OR6A2: variants seen among roughly 807,000 people sequenced by gnomAD.
OR6A2 encodes the protein olfactory receptor family 6 subfamily A member 2.
In OR6A2, 6 loss-of-function variants were observed where a neutral mutation model predicts 7.1. That is an observed-to-expected ratio of 0.85 (90% CI 0.46 to 1.68). The LOEUF (loss-of-function observed/expected upper bound fraction) is 1.68, where lower values mean the gene tolerates loss of function less well. Ranked by LOEUF, OR6A2 falls within the 40% of genes most tolerant of loss-of-function variation. The pLI, the probability that OR6A2 is intolerant of heterozygous loss-of-function variation, is 0.01. For synonymous variants in OR6A2, 162 were observed against 152.1 expected (o/e 1.06, Z -0.48); for missense variants, 431 against 398.0 (o/e 1.08, Z -0.71).
In OR6A2 at chr11:6,795,140, A is replaced by G; in HGVS notation, c.569T>C (p.Leu190Pro). The G allele has an allele frequency of 6.2e-7, 1 of 1,614,150 alleles. No homozygotes were observed. The highest frequency in any genetic ancestry group is 8.5e-7 in the Non-Finnish European group (1 of 1,180,018). The change falls in exon 2 of 2, where the codon CTC (leucine) becomes CCC (proline). Residue 190 changes from leucine (L) to proline (P), a missense_variant. Transcript: ENST00000641196. ...GGACATATCAGTGCATGAGAGGTTG[A>G]GCAATGGAGAGACATCACAGAAAAA... ...NHFFCDVSPL[L>P]NLSCTDMSTA...
chr11:6,794,052 C>T lies in OR6A2; in HGVS notation c.*673G>A, dbSNP rs1847717478. 1 of 152,254 alleles carries T rather than the reference C, an allele frequency of 6.6e-6. No homozygotes were observed. The highest frequency in any genetic ancestry group is 2.4e-5 in the African/African-American group (1 of 41,438). 9.4% of individuals were successfully genotyped at this position (152,254 alleles called of 1,614,324 possible). On this transcript the variant is annotated 3_prime_UTR_variant, in exon 2 of 2. Transcript: ENST00000641196. ...CCACATATAGGCATGACACACATGCCTTGCCTACATGGTTCCAAACTATAT... is the reference window on the plus strand; with the variant it reads ...CCACATATAGGCATGACACACATGCTTTGCCTACATGGTTCCAAACTATAT...
In OR6A2 at chr11:6,793,028, T is replaced by C. The variant is rs1371443769; in HGVS notation, c.*1697A>G. The C allele has an allele frequency of 6.6e-6, 1 of 152,196 alleles. No homozygotes were observed. The highest frequency in any genetic ancestry group is 2.4e-5 in the African/African-American group (1 of 41,442). The allele number at this position is 152,196 out of a possible 1,614,324, so 9.4% of individuals were successfully genotyped here. On this transcript the variant is annotated 3_prime_UTR_variant, in exon 2 of 2. Coordinates refer to ENST00000641196, the MANE Select transcript of OR6A2 (RefSeq NM_003696.3). ...TTCAACATTATGCTTTTACTTCCTA[T>C]TAACTCGAGTTAACTTATAAAAGAG...
rs1362798393 is a variant in OR6A2, at chr11:6,794,458, C to A, written c.*267G>T. On this transcript the variant is annotated 3_prime_UTR_variant, in exon 2 of 2. Transcript: ENST00000641196. ...GAAGCCTGTGCTTCCTTGATTGGAA[C>A]CTTGTCTATGCAAATTACAAAGGGA... The A allele has an allele frequency of 3.3e-5, 14 of 418,330 alleles. No individual in the cohort carries two copies. In the South Asian group the frequency reaches 4.6e-4, roughly 14 times the overall value. The allele number at this position is 418,330 out of a possible 1,614,324, so 25.9% of individuals were successfully genotyped here.
rs1847694870 is a variant in OR6A2, at chr11:6,791,985, T to C, written c.*2740A>G. 6.6e-6 allele frequency: 1 copy of C among 152,226 alleles called. No homozygotes were observed. The highest frequency in any genetic ancestry group is 2.1e-4 in the South Asian group (1 of 4,830). The allele number at this position is 152,226 out of a possible 1,614,324, so 9.4% of individuals were successfully genotyped here. On this transcript the variant is annotated 3_prime_UTR_variant, in exon 2 of 2. Coordinates refer to ENST00000641196, the MANE Select transcript of OR6A2 (RefSeq NM_003696.3). ...CAGATTTTATTATCTTTTCTGTTAG[T>C]ATTACTTTATGTTCCAGGGTCCAAT... is the stretch of plus-strand genomic sequence containing the variant.
chr11:6,797,901 C>G (rs1311831502), intron 1 of OR6A2, among the ~76,000 whole-genome samples: 2 of 152,178 alleles, frequency 1.3e-5, no homozygotes, highest in East Asian at 3.8e-4. Flanking sequence ...ATGGCTACAT[C>G]CTATTTAGCC....
At position 6,794,487 on chromosome 11, in the gene OR6A2, A is replaced by T. The variant is rs1160941727; in HGVS notation, c.*238T>A. 8 of 501,562 alleles carry T rather than the reference A, an allele frequency of 1.6e-5. No individual in the cohort carries two copies. In the Admixed American group the frequency reaches 1.7e-4, roughly 11 times the overall value. The allele number at this position is 501,562 out of a possible 1,614,324, so 31.1% of individuals were successfully genotyped here. Reference sequence around the variant, plus strand: ...GTCTATGCAAATTACAAAGGGACAGACAATAGTGGACCCAGCTCTATCCTG... The same window carrying T: ...GTCTATGCAAATTACAAAGGGACAGTCAATAGTGGACCCAGCTCTATCCTG... On this transcript the variant is annotated 3_prime_UTR_variant, in exon 2 of 2. Coordinates refer to ENST00000641196, the MANE Select transcript of OR6A2 (RefSeq NM_003696.3).
Position 6,794,733 on chromosome 11 carries a change from T to C in OR6A2, c.976A>G (p.Asn326Asp). The C allele has an allele frequency of 1.2e-6, 2 of 1,613,662 alleles. No homozygotes were observed. Among genetic ancestry groups the C allele is most frequent in the Non-Finnish European group, 1.7e-6 (2 of 1,179,734 alleles). The part of the protein sequence containing the change: ...QDPDPKKASR[N>D]V ...GATTTCACACATCCCTTCTATACAT[T>C]TCTGCTAGCTTTCTTGGGGTCAGGA... is the stretch of plus-strand genomic sequence containing the variant. Residue 326 changes from asparagine to aspartate, a missense_variant, in exon 2 of 2, where the codon AAT (asparagine) becomes GAT (aspartate). Asn to Asp is a conservative substitution (Grantham distance 23). Coordinates refer to ENST00000641196, the MANE Select transcript of OR6A2 (RefSeq NM_003696.3).
intron 1 of OR6A2, among the ~76,000 whole-genome samples, chr11:6,797,423 T>C (rs16918068): frequency 0.07 from 10,612 of 152,238 alleles, 1,288 homozygotes; most frequent in African/African-American, 0.24. Flanking sequence ...ACATCAAACC[T>C]ACAATTGCTG....
chr11:6,797,563 C>T (rs186106027), intron 1 of OR6A2, among the ~76,000 whole-genome samples: 6 of 152,294 alleles, frequency 3.9e-5, no homozygotes, highest in South Asian at 2.1e-4. Context: ...GTCTGATGCT[C>T]TGCATACTTG....
At chr11:6,798,170 C>A (rs1847766311) in intron 1 of OR6A2, among the ~76,000 whole-genome samples, 1 of 152,144 alleles carries the variant, frequency 6.6e-6, no homozygotes, top group African/African-American at 2.4e-5. Context: ...ATGGATGTCA[C>A]AGGAGTTCCA....
chr11:6,796,485 G>C (rs911962844), intron 1 of OR6A2, among the ~76,000 whole-genome samples: 2 of 152,096 alleles, frequency 1.3e-5, no homozygotes, highest in Non-Finnish European at 2.9e-5. Context: ...AGGAAAGAAA[G>C]ACAAAAGCAG....
chr11:6,798,919 G>A (rs1847775492), intron 1 of OR6A2, among the ~76,000 whole-genome samples: 1 of 152,172 alleles, frequency 6.6e-6, no homozygotes, highest in Non-Finnish European at 1.5e-5. Context: ...TTTATAATGT[G>A]GTTGCATGAA....
chr11:6,799,367 G>T (rs941497744), intron 1 of OR6A2, among the ~76,000 whole-genome samples, 177 bp downstream of exon 1: 2 of 152,136 alleles, frequency 1.3e-5, no homozygotes, highest in African/African-American at 4.8e-5. Flanking sequence ...AAAAGATAAA[G>T]AAAGTGATAT....
In OR6A2 at chr11:6,795,529, C is replaced by A. The variant is rs902945519; in HGVS notation, c.180G>T (p.Met60Ile). 6.2e-7 allele frequency: 1 copy of A among 1,613,968 alleles called. No individual in the cohort carries two copies. The change falls in exon 2 of 2, where the codon ATG becomes ATT. Residue 60 changes from methionine to isoleucine, a missense_variant. Met to Ile is a conservative substitution (Grantham distance 10). Transcript: ENST00000641196. ...AGGACATATTAGCTAGAAAAAAGTACATGGGTTTGTGGAGGGTAGAATGGT... is the reference window on the plus strand; with the variant it reads ...AGGACATATTAGCTAGAAAAAAGTAAATGGGTTTGTGGAGGGTAGAATGGT... ...IRNHSTLHKP[M>I]YFFLANMSFL... is the part of the protein sequence containing the mutation.
rs377615405 is a variant in OR6A2, at chr11:6,792,810, T to G, written c.*1915A>C. On this transcript the variant is annotated 3_prime_UTR_variant, in exon 2 of 2. Transcript: ENST00000641196. ...TTCAATATGAGTCCTGAGGGTCATA[T>G]GTTCACTAAAAATTCAGTCCCCGTC... The G allele has an allele frequency of 2.0e-5, 3 of 152,160 alleles. No homozygotes were observed. The highest frequency in any genetic ancestry group is 4.1e-4 in the South Asian group (2 of 4,834). 9.4% of individuals were successfully genotyped at this position (152,160 alleles called of 1,614,324 possible).
rs755457260 is a variant in OR6A2, at chr11:6,794,939, T to A, written c.770A>T (p.Tyr257Phe). The A allele has an allele frequency of 5.0e-6, 8 of 1,614,088 alleles. 1 individual carries two copies. Among genetic ancestry groups the A allele is most frequent in the Non-Finnish European group, 6.8e-6 (8 of 1,179,990 alleles). The change falls in exon 2 of 2, where the codon TAT becomes TTT. Residue 257 changes from tyrosine (Y) to phenylalanine (F), a missense_variant. Physicochemically the swap from Tyr to Phe is conservative, Grantham distance 22. Coordinates refer to ENST00000641196, the MANE Select transcript of OR6A2 (RefSeq NM_003696.3). ...ASHLTVVIIF[Y>F]AASIFIYARP... ...AGCATAGATGAAGATACTGGCTGCA[T>A]AGAAGATTATCACAACAGTGAGATG...
chr11:6,795,814 A>G lies in OR6A2; in HGVS notation c.-106T>C, dbSNP rs1847744004. 1.0e-6 allele frequency: 1 copy of G among 979,460 alleles called. No homozygotes were observed. Among genetic ancestry groups the G allele is most frequent in the South Asian group, 1.6e-5 (1 of 62,722 alleles). 60.7% of individuals were successfully genotyped at this position (979,460 alleles called of 1,614,324 possible). ...CTTAATGGGCTTATATTGGTCGAAT[A>G]CCACGTAAGGAGTTCATGTAATTAA... On this transcript the variant is annotated 5_prime_UTR_variant, in exon 2 of 2. Coordinates refer to ENST00000641196, the MANE Select transcript of OR6A2 (RefSeq NM_003696.3).
intron 1 of OR6A2, among the ~76,000 whole-genome samples, chr11:6,798,577 G>A (rs938521566): frequency 3.9e-5 from 6 of 152,166 alleles, no homozygotes; most frequent in African/African-American, 7.2e-5. Context: ...CTGACAACAA[G>A]AGCATCCAGT....
rs1290918312 is a variant in OR6A2, at chr11:6,793,685, A to G, written c.*1040T>C. On this transcript the variant is annotated 3_prime_UTR_variant, in exon 2 of 2. Transcript: ENST00000641196. ...ATTTTTGATACTGTTATATAACATAATATTTTTATTAAGTTAGAAATATTT... is the reference window on the plus strand; with the variant it reads ...ATTTTTGATACTGTTATATAACATAGTATTTTTATTAAGTTAGAAATATTT... 6.6e-6 allele frequency: 1 copy of G among 152,158 alleles called. No homozygotes were observed. The highest frequency in any genetic ancestry group is 1.5e-5 in the Non-Finnish European group (1 of 68,022). 9.4% of individuals were successfully genotyped at this position (152,158 alleles called of 1,614,324 possible).
Sources: gnomAD v4.1 joint callset for allele counts (sites outside exome capture counted in the v4.1 genomes callset) on GRCh38, gnomAD v4.1.1 for gene constraint, MANE v1.5 for transcripts, NCBI Gene and HGNC (gene_info 2026-07-23, HGNC 2026-07-21) for gene names.